TMEM161B: variants seen among roughly 807,000 people sequenced by gnomAD.
TMEM161B encodes the protein transmembrane protein 161B.
In TMEM161B, 34 loss-of-function variants were observed where a neutral mutation model predicts 61.8. That is an observed-to-expected ratio of 0.55 (90% CI 0.42 to 0.73). The LOEUF (loss-of-function observed/expected upper bound fraction) is 0.73, where lower values mean the gene tolerates loss of function less well. TMEM161B is among the 30% of genes least tolerant of loss of function. TMEM161B has a pLI of 0.00. For missense variants in TMEM161B, 456 were observed against 558.5 expected, an observed-to-expected ratio of 0.82 and a Z score of 1.85; for synonymous variants, 167 against 192.8, an observed-to-expected ratio of 0.87 and a Z score of 1.11.
At chr5:88,230,463 C>G (rs1471757284) in intron 2 of TMEM161B, among the ~76,000 whole-genome samples, 1 of 152,090 alleles carries the variant, frequency 6.6e-6, no homozygotes, top group African/African-American at 2.4e-5. Flanking sequence ...CCCATTAAAA[C>G]ACATATTTCA....
In TMEM161B at chr5:88,220,724, A is replaced by AAAG; in HGVS notation, c.290-8_290-6dup. ...ATTCTGGAAAGTAATGCAATGCTGG[A>AAAG]AAGAAAAAAAAAAAAAAAAAAAAAA... On this transcript the variant is annotated splice_region_variant and splice_polypyrimidine_tract_variant and intron_variant, in intron 4 of 11. Coordinates refer to ENST00000296595, the MANE Select transcript of TMEM161B (RefSeq NM_153354.5). The AAAG allele has an allele frequency of 7.4e-7, 1 of 1,346,350 alleles. No homozygotes were observed. The highest frequency in any genetic ancestry group is 1.5e-5 in the South Asian group (1 of 68,750). 83.4% of individuals were successfully genotyped at this position (1,346,350 alleles called of 1,614,324 possible).
chr5:88,228,918 AAG>A (rs1750517907), intron 2 of TMEM161B, among the ~76,000 whole-genome samples: 1 of 152,224 alleles, frequency 6.6e-6, no homozygotes, highest in African/African-American at 2.4e-5. Context: ...TTATCTTAAA[AAG>A]AGAGGTGTTT....
At chr5:88,256,986 C>G (rs945925281) in intron 1 of TMEM161B, among the ~76,000 whole-genome samples, 9 of 152,200 alleles carry the variant, frequency 5.9e-5, no homozygotes, top group Non-Finnish European at 1.0e-4. Context: ...CAAATACTTT[C>G]CTTTTAAGAC....
intron 5 of TMEM161B, among the ~76,000 whole-genome samples, chr5:88,215,999 T>C (rs1747752598): frequency 6.6e-6 from 1 of 152,204 alleles, no homozygotes; most frequent in Non-Finnish European, 1.5e-5. Context: ...GACTCATGCC[T>C]GTAATCCTAG....
chr5:88,217,247 ACT>A (rs1344959742), intron 5 of TMEM161B, among the ~76,000 whole-genome samples: 4 of 152,098 alleles, frequency 2.6e-5, no homozygotes, highest in African/African-American at 9.7e-5. Flanking sequence ...ACAGAGCAAG[ACT>A]CTGTCTCTAA....
intron 1 of TMEM161B, among the ~76,000 whole-genome samples, chr5:88,249,586 A>G (rs1754064681): frequency 6.6e-6 from 1 of 152,090 alleles, no homozygotes; most frequent in Admixed American, 6.6e-5. Flanking sequence ...CCATATAAGC[A>G]AGAGGTATTT....
chr5:88,205,651 CAAAT>C (rs1456811753), intron 8 of TMEM161B, 159 bp downstream of exon 8: 34 of 714,026 alleles, frequency 4.8e-5, no homozygotes, highest in Non-Finnish European at 7.1e-5. Context: ...AATTTAGAAG[CAAAT>C]AAAAGAAACT....
intron 7 of TMEM161B, 128 bp downstream of exon 7, chr5:88,206,311 T>A: frequency 1.4e-6 from 1 of 724,564 alleles, no homozygotes. Flanking sequence ...TGAGTAAGGA[T>A]GTTTCTAGAA....
Position 88,247,116 on chromosome 5 carries a change from T to C in TMEM161B, c.4-6200A>G, listed in dbSNP as rs186698803. On this transcript the variant is annotated intron_variant, in intron 1 of 11. Coordinates refer to ENST00000296595, the MANE Select transcript of TMEM161B (RefSeq NM_153354.5). ...GGCCATGAAGAGCAAGAAAAACTTA[T>C]CTGCCTTTAGTCTCTAGAAGAATGA... is the stretch of plus-strand genomic sequence containing the variant. Among the ~76,000 whole-genome samples the C allele has an allele frequency of 3.5e-4, 53 of 152,202 alleles. No individual in the cohort carries two copies. The East Asian group carries it at 9.1e-3, about 26-fold the overall frequency.
chr5:88,228,426 C>T lies in TMEM161B; in HGVS notation c.191+19G>A. ...ATTGTGTTAAATATTTATTACTTTA[C>T]AAGCTCAATAAAACTTACCTATCTT... On this transcript the variant is annotated intron_variant, in intron 3 of 11. Transcript: ENST00000296595. The T allele has an allele frequency of 6.5e-7, 1 of 1,531,040 alleles. No homozygotes were observed. The highest frequency in any genetic ancestry group is 9.0e-7 in the Non-Finnish European group (1 of 1,116,082). The allele number at this position is 1,531,040 out of a possible 1,614,324, so 94.8% of individuals were successfully genotyped here.
chr5:88,249,568 G>C (rs893034115), intron 1 of TMEM161B, among the ~76,000 whole-genome samples: 6 of 151,916 alleles, frequency 3.9e-5, no homozygotes, highest in Non-Finnish European at 8.8e-5. Flanking sequence ...TAATTTTCCA[G>C]GTTTTTACCA....
chr5:88,220,150 G>A (rs1406326888), intron 5 of TMEM161B, among the ~76,000 whole-genome samples: 1 of 151,914 alleles, frequency 6.6e-6, no homozygotes, highest in African/African-American at 2.4e-5. Flanking sequence ...GGCACAACAT[G>A]GTAAAAGTGA....
rs1749933599 is a variant in TMEM161B, at chr5:88,197,779, C to T, written c.1090-14G>A. ...GACTCGAGCCACCTGCAACCAACAACATTCTTAAGTGTCTAATGCAACTGA... is the reference window on the plus strand; with the variant it reads ...GACTCGAGCCACCTGCAACCAACAATATTCTTAAGTGTCTAATGCAACTGA... On this transcript the variant is annotated splice_polypyrimidine_tract_variant and intron_variant, in intron 10 of 11. Coordinates refer to ENST00000296595, the MANE Select transcript of TMEM161B (RefSeq NM_153354.5). The T allele has an allele frequency of 1.2e-6, 2 of 1,608,084 alleles. No homozygotes were observed. The highest frequency in any genetic ancestry group is 8.5e-7 in the Non-Finnish European group (1 of 1,176,284).
intron 5 of TMEM161B, among the ~76,000 whole-genome samples, chr5:88,212,408 A>T (rs1293550569): frequency 6.6e-6 from 1 of 152,200 alleles, no homozygotes; most frequent in Non-Finnish European, 1.5e-5. Flanking sequence ...AAGTATTTTA[A>T]ATATTTTTAC....
intron 1 of TMEM161B, among the ~76,000 whole-genome samples, chr5:88,247,891 G>A (rs2112701846): frequency 6.6e-6 from 1 of 152,156 alleles, no homozygotes; most frequent in South Asian, 2.1e-4. Context: ...TGGGGCACTG[G>A]ACCACTAACA....
rs536559022 is a variant in TMEM161B, at chr5:88,202,807, C to G, written c.914+155G>C. 484 of 669,502 alleles carry G rather than the reference C, an allele frequency of 7.2e-4. 1 individual carries two copies. The highest frequency in any genetic ancestry group is 2.2e-4 in the Non-Finnish European group (84 of 373,508). 41.5% of individuals were successfully genotyped at this position (669,502 alleles called of 1,614,324 possible). ...GATCACAAAAATGTTACATGATGGT[C>G]TGTAGTTTCAATTTTCTAACACATC... On this transcript the variant is annotated intron_variant, in intron 9 of 11. Transcript: ENST00000296595.
At chr5:88,190,764 A>T (rs1329411522), downstream of TMEM161B, among the ~76,000 whole-genome samples, 1 of 152,112 alleles carries the variant, frequency 6.6e-6, no homozygotes, top group Non-Finnish European at 1.5e-5. Flanking sequence ...ATATAGTTGC[A>T]TTCATTTCCA....
chr5:88,208,565 C>T (rs1010609944), intron 5 of TMEM161B, among the ~76,000 whole-genome samples: 11 of 152,110 alleles, frequency 7.2e-5, no homozygotes, highest in Non-Finnish European at 1.5e-5. Flanking sequence ...TCGCTTGAAC[C>T]TGGGAGGCGG....
intron 1 of TMEM161B, among the ~76,000 whole-genome samples, chr5:88,241,665 C>A (rs1201802910): frequency 6.6e-6 from 1 of 151,762 alleles, no homozygotes; most frequent in Non-Finnish European, 1.5e-5. Context: ...CATGCTGTTA[C>A]CACCCACTTC....
Sources: gnomAD v4.1 joint callset for allele counts (sites outside exome capture counted in the v4.1 genomes callset) on GRCh38, gnomAD v4.1.1 for gene constraint, MANE v1.5 for transcripts, NCBI Gene and HGNC (gene_info 2026-07-23, HGNC 2026-07-21) for gene names.